The following C11orf65 variants were observed in gnomAD, a reference collection of about 807,000 sequenced individuals.
C11orf65 encodes protein MFI.
In C11orf65, 38 loss-of-function variants were observed where a neutral mutation model predicts 35.3. The ratio of observed to expected loss-of-function variants is 1.08; its 90% CI spans 0.83 to 1.41. The LOEUF (loss-of-function observed/expected upper bound fraction) is 1.41. Among genes scored for constraint, C11orf65 ranks in the 40% most tolerant of loss-of-function variants. The pLI is 0.00. For synonymous variants in C11orf65, 105 were observed against 114.4 expected, an observed-to-expected ratio of 0.92 and a Z score of 0.53; for missense variants, 370 against 367.1, an observed-to-expected ratio of 1.01 and a Z score of -0.06.
At chr11:108,386,644 A>G (rs904898232) in intron 7 of C11orf65, among the ~76,000 whole-genome samples, 1 of 152,178 alleles carries the variant, frequency 6.6e-6, no homozygotes, top group Non-Finnish European at 1.5e-5. Context: ...CAGGTTTCCT[A>G]AGATTTATTT....
chr11:108,365,647 T>C lies in C11orf65; in HGVS notation c.226+27561A>G. ...GGGTTTTTTTGAATGTTGGTTTTAA[T>C]ACTTGATTTAATCACCACTCAAAAA... On this transcript the variant is annotated intron_variant, in intron 2 of 3. Transcript: ENST00000524755. The C allele has an allele frequency of 3.8e-6, 4 of 1,051,932 alleles. No homozygotes were observed. The South Asian group carries it at 6.3e-5, about 17-fold the overall frequency. The allele number at this position is 1,051,932 out of a possible 1,614,324, so 65.2% of individuals were successfully genotyped here.
intron 3 of C11orf65, chr11:108,332,926 T>G (rs767248557): frequency 5.6e-6 from 9 of 1,604,944 alleles, no homozygotes; most frequent in Admixed American, 1.7e-5. Context: ...AGAAGAAACG[T>G]TACTTTCTTG....
At chr11:108,311,619 G>A (rs1231673052) in intron 6 of C11orf65, among the ~76,000 whole-genome samples, 2 of 152,098 alleles carry the variant, frequency 1.3e-5, no homozygotes, top group East Asian at 3.9e-4. Context: ...GATCGCTTGA[G>A]CCCAGGAGGG....
chr11:108,437,768 C>T (rs1390685828), intron 2 of C11orf65, among the ~76,000 whole-genome samples: 1 of 135,584 alleles, frequency 7.4e-6, no homozygotes, highest in Non-Finnish European at 1.6e-5. Context: ...AAAAACACCC[C>T]ACATTCACAG....
At chr11:108,451,807 G>A (rs1374344474) in intron 2 of C11orf65, among the ~76,000 whole-genome samples, 1 of 152,122 alleles carries the variant, frequency 6.6e-6, no homozygotes, top group Non-Finnish European at 1.5e-5. Flanking sequence ...CCAAAACAGA[G>A]ATATAGATCA....
At chr11:108,314,130 T>G (rs1163369678) in intron 6 of C11orf65, among the ~76,000 whole-genome samples, 2 of 152,304 alleles carry the variant, frequency 1.3e-5, no homozygotes, top group East Asian at 3.9e-4. Context: ...TTTGTTTTTT[T>G]TTCCAGACAG....
rs1029556621 is a variant in C11orf65 at position 108,336,278 on chromosome 11, C to G, written c.227-986G>C. ...TCAAACTCTGCAGTGAGCCCCAGTC[C>G]AGCCTGAGCAACACAGCAAGATCCC... is the stretch of plus-strand genomic sequence containing the variant. On this transcript the variant is annotated intron_variant, in intron 2 of 3. Transcript: ENST00000524755. The G allele has an allele frequency of 1.3e-4, 36 of 278,780 alleles. No homozygotes were observed. The Admixed American group carries it at 1.8e-3, about 14-fold the overall frequency. 17.3% of individuals were successfully genotyped at this position (278,780 alleles called of 1,614,324 possible).
At chr11:108,362,462 G>T (rs954995076) in intron 2 of C11orf65, among the ~76,000 whole-genome samples, 1 of 151,308 alleles carries the variant, frequency 6.6e-6, no homozygotes, top group African/African-American at 2.4e-5. Context: ...TATAACCAAA[G>T]GACTATAAAT....
At chr11:108,449,786 G>C (rs527982820) in intron 2 of C11orf65, among the ~76,000 whole-genome samples, 1 of 151,952 alleles carries the variant, frequency 6.6e-6, no homozygotes, top group Non-Finnish European at 1.5e-5. Context: ...ATTGACAAAT[G>C]GGATCTAATT....
intron 1 of C11orf65, 60 bp from the exon 2 acceptor site, chr11:108,461,628 A>G: frequency 1.8e-6 from 2 of 1,126,618 alleles, no homozygotes; most frequent in Non-Finnish European, 2.5e-6. Context: ...TTTCATTTTT[A>G]TTTATTTATT....
chr11:108,359,902 C>G (rs1431642999), intron 2 of C11orf65, among the ~76,000 whole-genome samples: 1 of 152,024 alleles, frequency 6.6e-6, no homozygotes, highest in Non-Finnish European at 1.5e-5. Context: ...AAAGGAAGAG[C>G]AAACACATTC....
At chr11:108,444,395 A>C (rs2093216109) in intron 2 of C11orf65, among the ~76,000 whole-genome samples, 2 of 152,194 alleles carry the variant, frequency 1.3e-5, no homozygotes, top group African/African-American at 4.8e-5. Context: ...AGGTACAAAG[A>C]GGAGCTGCTA....
At chr11:108,344,917 TTGC>T (rs1351803489) in intron 2 of C11orf65, among the ~76,000 whole-genome samples, 1 of 151,910 alleles carries the variant, frequency 6.6e-6, no homozygotes, top group African/African-American at 2.4e-5. Flanking sequence ...GGTGAGAGGA[TTGC>T]TTGAGCCCAG....
chr11:108,393,251 C>T lies in C11orf65; in HGVS notation c.688G>A (p.Val230Met). ...TTTGTCCAGTTCAGCACTTCATCCA[C>T]TTCCCATTCCATCACAGAATCTATC... ...GGIDSVMEWE[V>M]DEVLNWTNTL... is the part of the protein sequence containing the mutation. The change falls in exon 7 of 9, where the codon GTG becomes ATG. Residue 230 changes from valine (V) to methionine (M), a missense_variant. By Grantham distance (21) the Val-to-Met change is conservative (BLOSUM62 1). Coordinates refer to ENST00000393084, the MANE Select transcript of C11orf65 (RefSeq NM_152587.5). 6.2e-7 allele frequency: 1 copy of T among 1,614,126 alleles called. No individual in the cohort carries two copies. The highest frequency in any genetic ancestry group is 8.5e-7 in the Non-Finnish European group (1 of 1,179,996).
At chr11:108,385,113 A>G (rs2091959747) in intron 8 of C11orf65, among the ~76,000 whole-genome samples, 2 of 152,046 alleles carry the variant, frequency 1.3e-5, no homozygotes, top group Admixed American at 1.3e-4. Flanking sequence ...TCACTCTGTC[A>G]CCCAGGCTGG....
intron 2 of C11orf65, among the ~76,000 whole-genome samples, chr11:108,447,646 G>C (rs1048070655): frequency 1.4e-4 from 22 of 151,970 alleles, no homozygotes; most frequent in Admixed American, 7.9e-4. Flanking sequence ...TGTGTAGAGG[G>C]AAATTTATAG....
At chr11:108,456,848 T>C (rs1262365457) in intron 2 of C11orf65, among the ~76,000 whole-genome samples, 1 of 152,004 alleles carries the variant, frequency 6.6e-6, no homozygotes, top group Admixed American at 6.6e-5. Context: ...TTGGACTTTA[T>C]TAAAATTAAA....
chr11:108,385,538 G>A lies in C11orf65; in HGVS notation c.787+382C>T, dbSNP rs906500997. On this transcript the variant is annotated intron_variant, in intron 8 of 8. Transcript: ENST00000393084. ...TCTACTAAAAATACAAAAAATTAGC[G>A]GGGTGTGGTGGCGGGTGCCTGTAGT... is the stretch of plus-strand genomic sequence containing the variant. Among the ~76,000 whole-genome samples the A allele has an allele frequency of 1.4e-4, 21 of 152,140 alleles. 1 individual carries two copies. The highest frequency in any genetic ancestry group is 1.1e-3 in the Admixed American group (17 of 15,298).
chr11:108,375,155 C>T (rs537636077), intron 2 of C11orf65, among the ~76,000 whole-genome samples: 121 of 151,702 alleles, frequency 8.0e-4, no homozygotes, highest in African/African-American at 2.6e-3. Context: ...AGATACTCCT[C>T]GAGAAGAGCA....
Sources: gnomAD v4.1 joint callset for allele counts (sites outside exome capture counted in the v4.1 genomes callset) on GRCh38, gnomAD v4.1.1 for gene constraint, MANE v1.5 for transcripts, NCBI Gene and HGNC (gene_info 2026-07-23, HGNC 2026-07-21) for gene names.